CNTN2: variants seen among roughly 807,000 people sequenced by gnomAD.
CNTN2 encodes contactin 2.
CNTN2 carries 53 observed loss-of-function variants against 117.5 expected under a neutral mutation model. That is an observed-to-expected ratio of 0.45 (90% CI 0.36 to 0.57). CNTN2 has a LOEUF of 0.57. Among genes scored for constraint, CNTN2 ranks in the 20% least tolerant of loss-of-function variants. The pLI, the probability that CNTN2 is intolerant of heterozygous loss-of-function variation, is 0.00. For synonymous variants in CNTN2, 530 were observed against 561.7 expected (o/e 0.94, Z 0.80); for missense variants, 1,106 against 1,404.3 (o/e 0.79, Z 3.39).
rs185155629 is a variant in CNTN2 at position 205,061,446 on chromosome 1, G to A, written c.973+26G>A. ...GTACAGAGCCAGGGACACCTTCTCC[G>A]CCCCTCCCGACCCCCCTTCCCGCCT... On this transcript the variant is annotated intron_variant, in intron 8 of 22. Coordinates refer to ENST00000331830, the MANE Select transcript of CNTN2 (RefSeq NM_005076.5). The surrounding 1 kb of genome is among the most constrained non-coding windows in gnomAD (Gnocchi z 4.8). 1,280 of 1,553,618 alleles carry A rather than the reference G, an allele frequency of 8.2e-4. 12 individuals are homozygous for A. In the East Asian group the frequency reaches 0.024, roughly 29 times the overall value.
intron 19 of CNTN2, 63 bp from the exon 20 acceptor site, chr1:205,071,884 G>A: frequency 2.7e-6 from 4 of 1,476,608 alleles, no homozygotes; most frequent in Non-Finnish European, 3.7e-6. Context: ...GAATGTGGGG[G>A]CCGGGGCAGC....
rs1654709202 is a variant in CNTN2 at position 205,073,570 on chromosome 1, TCTC to T, written c.3014-83_3014-81del. ...CCAGGCCTGCAGCTGGCCCTGTGAG[TCTC>T]CTTAGGAAAGGTCTCAATCTTGCCA... On this transcript the variant is annotated intron_variant, in intron 22 of 22. Coordinates refer to ENST00000331830, the MANE Select transcript of CNTN2 (RefSeq NM_005076.5). The surrounding 1 kb of genome is among the most constrained non-coding windows in gnomAD (Gnocchi z 6.3). 5.3e-5 allele frequency: 65 copies of T among 1,221,700 alleles called. No individual in the cohort carries two copies. Among genetic ancestry groups the T allele is most frequent in the Non-Finnish European group, 7.3e-5 (62 of 854,462 alleles). 75.7% of individuals were successfully genotyped at this position (1,221,700 alleles called of 1,614,324 possible). A position where few individuals can be genotyped will look rare whatever the true frequency, so the allele number is the denominator to read the frequency against.
chr1:205,061,567 G>A lies in CNTN2; in HGVS notation c.973+147G>A, dbSNP rs1653985528. 7.1e-6 allele frequency: 7 copies of A among 989,686 alleles called. No homozygotes were observed. The South Asian group carries it at 8.7e-5, about 12-fold the overall frequency. The allele number at this position is 989,686 out of a possible 1,614,324, so 61.3% of individuals were successfully genotyped here. The stretch of plus-strand genomic sequence containing the variant: ...CTTGCCCTAGGACTGCACTGAGTCT[G>A]GGACCAGAGGAGGCTAGTGCTGTGG... On this transcript the variant is annotated intron_variant, in intron 8 of 22. Transcript: ENST00000331830. This position sits in a 1 kb window ranked among gnomAD's most constrained non-coding sequence, Gnocchi z 4.8.
intron 2 of CNTN2, among the ~76,000 whole-genome samples, chr1:205,053,983 C>T (rs1005190085): frequency 3.9e-5 from 6 of 152,100 alleles, no homozygotes; most frequent in African/African-American, 7.2e-5. Flanking sequence ...GAGGGCAGGC[C>T]GAGAGCCACA....
chr1:205,060,942 C>T (rs545872803), intron 7 of CNTN2: 190 of 304,606 alleles, frequency 6.2e-4, no homozygotes, highest in Non-Finnish European at 1.0e-3. Context: ...GCATGGTGAC[C>T]GGTGCGGGAG....
At chr1:205,053,068 C>T (rs2096455653) in intron 1 of CNTN2, 32 bp from the exon 2 acceptor site, 3 of 694,964 alleles carry the variant, frequency 4.3e-6, no homozygotes, top group Non-Finnish European at 7.0e-6. Context: ...CGCTCCTCGG[C>T]TCAGAGCCCT....
chr1:205,059,416 C>T lies in CNTN2; in HGVS notation c.697+123C>T. The T allele has an allele frequency of 3.5e-6, 4 of 1,157,808 alleles. No homozygotes were observed. In the South Asian group the frequency reaches 5.6e-5, roughly 16 times the overall value. The allele number at this position is 1,157,808 out of a possible 1,614,324, so 71.7% of individuals were successfully genotyped here. ...CAGGGCACTGATTCCAGGCCCTGGA[C>T]CCCCAGATCCTCCTGCTTCAAATCC... On this transcript the variant is annotated intron_variant, in intron 6 of 22. Coordinates refer to ENST00000331830, the MANE Select transcript of CNTN2 (RefSeq NM_005076.5). This position sits in a 1 kb window ranked among gnomAD's most constrained non-coding sequence, Gnocchi z 5.6.
chr1:205,053,301 A>G (rs983862907), intron 2 of CNTN2, 46 bp downstream of exon 2: 1 of 1,513,050 alleles, frequency 6.6e-7, no homozygotes, highest in Non-Finnish European at 9.1e-7. Context: ...GCATGATTAT[A>G]GTGTTATATC....
At chr1:205,054,244 A>G (rs2096457477) in intron 2 of CNTN2, among the ~76,000 whole-genome samples, 1 of 152,188 alleles carries the variant, frequency 6.6e-6, no homozygotes, top group Non-Finnish European at 1.5e-5. Flanking sequence ...CACCCCCTGC[A>G]AGGCTACAGC....
rs1288345735 is a variant in CNTN2 at position 205,076,693 on chromosome 1, T to C, written c.*2928T>C. 1 of 152,184 alleles carries C rather than the reference T, an allele frequency of 6.6e-6. No homozygotes were observed. Among genetic ancestry groups the C allele is most frequent in the Non-Finnish European group, 1.5e-5 (1 of 68,072 alleles). 9.4% of individuals were successfully genotyped at this position (152,184 alleles called of 1,614,324 possible). A position where few individuals can be genotyped will look rare whatever the true frequency, so the allele number is the denominator to read the frequency against. On this transcript the variant is annotated 3_prime_UTR_variant, in exon 23 of 23. Coordinates refer to ENST00000331830, the MANE Select transcript of CNTN2 (RefSeq NM_005076.5). ...CAAGTGTCCTCTCTTCTGCATACAT[T>C]TGGGCTCCCCTTACAGAGCCCTTTG... is the stretch of plus-strand genomic sequence containing the variant.
Position 205,058,402 on chromosome 1 carries a change from G to A in CNTN2, c.391+46G>A. The A allele has an allele frequency of 6.5e-7, 1 of 1,532,764 alleles. No individual in the cohort carries two copies. The highest frequency in any genetic ancestry group is 8.8e-7 in the Non-Finnish European group (1 of 1,136,442). The allele number at this position is 1,532,764 out of a possible 1,614,324, so 94.9% of individuals were successfully genotyped here. Reference sequence around the variant, plus strand: ...AGACACTTTGGGGGAGGGGGAGAGGGGGCTAGGAGAAATTACTGAGAAAGG... The same window carrying A: ...AGACACTTTGGGGGAGGGGGAGAGGAGGCTAGGAGAAATTACTGAGAAAGG... On this transcript the variant is annotated intron_variant, in intron 4 of 22. Coordinates refer to ENST00000331830, the MANE Select transcript of CNTN2 (RefSeq NM_005076.5). This position sits in a 1 kb window ranked among gnomAD's most constrained non-coding sequence, Gnocchi z 4.3.
At chr1:205,064,818 G>C (rs2151194591) in intron 12 of CNTN2, 68 bp downstream of exon 12, 2 of 1,586,832 alleles carry the variant, frequency 1.3e-6, no homozygotes. Context: ...CCATCATCCT[G>C]CTCCTGTGTC....
rs563893131 is a variant in CNTN2, at chr1:205,064,237, T to C, written c.1241-85T>C. On this transcript the variant is annotated intron_variant, in intron 10 of 22. Coordinates refer to ENST00000331830, the MANE Select transcript of CNTN2 (RefSeq NM_005076.5). ...AAGAGGTGCTAATAGGAGTCACTCATGGCGTGGCTTCAAAGGGCACGCCAA... is the reference window on the plus strand; with the variant it reads ...AAGAGGTGCTAATAGGAGTCACTCACGGCGTGGCTTCAAAGGGCACGCCAA... The C allele has an allele frequency of 1.9e-5, 27 of 1,428,950 alleles. No individual in the cohort carries two copies. In the African/African-American group the frequency reaches 3.0e-4, roughly 16 times the overall value. 88.5% of individuals were successfully genotyped at this position (1,428,950 alleles called of 1,614,324 possible). A position where few individuals can be genotyped will look rare whatever the true frequency, so the allele number is the denominator to read the frequency against.
rs2151189002 is a variant in CNTN2 at position 205,057,973 on chromosome 1, C to G, written c.123C>G (p.Asp41Glu). ...CCACCTTCGGGCCTGTCTTTGAAGA[C>G]CAGCCCCTCAGTGTGCTATTCCCAG... Reference protein sequence around the residue: ...SQTTFGPVFEDQPLSVLFPEE... With the variant: ...SQTTFGPVFEEQPLSVLFPEE... The change falls in exon 3 of 23, where the codon GAC becomes GAG. Residue 41 changes from aspartate (D) to glutamate (E), a missense_variant. Transcript: ENST00000331830. The G allele has an allele frequency of 6.2e-7, 1 of 1,614,168 alleles. No homozygotes were observed. Among genetic ancestry groups the G allele is most frequent in the East Asian group, 2.2e-5 (1 of 44,870 alleles).
At chr1:205,072,206 C>T in intron 20 of CNTN2, 73 bp downstream of exon 20, 1 of 1,411,110 alleles carries the variant, frequency 7.1e-7, no homozygotes, top group East Asian at 2.3e-5. Flanking sequence ...CATTCCTTCC[C>T]CAATGATAAG....
intron 2 of CNTN2, chr1:205,057,372 A>G (rs922729554): frequency 6.6e-6 from 1 of 152,258 alleles, no homozygotes; most frequent in Non-Finnish European, 1.5e-5. Context: ...GTGGCTGGCG[A>G]CGTCTCATGC....
At chr1:205,047,530 C>T (rs1190649759) in intron 1 of CNTN2, among the ~76,000 whole-genome samples, 2 of 152,098 alleles carry the variant, frequency 1.3e-5, no homozygotes, top group East Asian at 1.9e-4. Context: ...GTCCTGGCCG[C>T]GTGACCCCCT....
chr1:205,058,339 C>G lies in CNTN2; in HGVS notation c.374C>G (p.Ala125Gly). 6.6e-7 allele frequency: 1 copy of G among 1,526,466 alleles called. No individual in the cohort carries two copies. Among genetic ancestry groups the G allele is most frequent in the Non-Finnish European group, 8.8e-7 (1 of 1,135,752 alleles). 94.6% of individuals were successfully genotyped at this position (1,526,466 alleles called of 1,614,324 possible). ...NPVGTVVSRE[A>G]ILRFGFLQEF... ...GTGGGCACCGTTGTCAGCAGGGAGGCCATCCTCCGCTTCGGCTGTGAGACC... is the reference window on the plus strand; with the variant it reads ...GTGGGCACCGTTGTCAGCAGGGAGGGCATCCTCCGCTTCGGCTGTGAGACC... Residue 125 changes from alanine to glycine, a missense_variant, in exon 4 of 23, where the codon GCC becomes GGC. Physicochemically the swap from Ala to Gly is moderately conservative, Grantham distance 60 (BLOSUM62 0). Coordinates refer to ENST00000331830, the MANE Select transcript of CNTN2 (RefSeq NM_005076.5). This position sits in a 1 kb window ranked among gnomAD's most constrained non-coding sequence, Gnocchi z 4.3.
chr1:205,061,134 C>T lies in CNTN2; in HGVS notation c.798-111C>T. 4 of 1,243,732 alleles carry T rather than the reference C, an allele frequency of 3.2e-6. No homozygotes were observed. Among genetic ancestry groups the T allele is most frequent in the Non-Finnish European group, 4.4e-6 (4 of 902,492 alleles). The allele number at this position is 1,243,732 out of a possible 1,614,324, so 77.0% of individuals were successfully genotyped here. A position where few individuals can be genotyped will look rare whatever the true frequency, so the allele number is the denominator to read the frequency against. ...AGGCACCCTCTCTCCCTCTGTTCCT[C>T]CCAGGCCCAGCATCTCAGGAGGGCC... On this transcript the variant is annotated intron_variant, in intron 7 of 22. Coordinates refer to ENST00000331830, the MANE Select transcript of CNTN2 (RefSeq NM_005076.5). The surrounding 1 kb of genome is among the most constrained non-coding windows in gnomAD (Gnocchi z 4.8).
Sources: allele counts gnomAD v4.1 joint callset (sites outside exome capture counted in the v4.1 genomes callset), GRCh38; gene constraint gnomAD v4.1.1; non-coding constraint Gnocchi (gnomAD v3.1); transcripts MANE v1.5; gene names NCBI Gene and HGNC (gene_info 2026-07-23, HGNC 2026-07-21).